ARVCF: variants seen among roughly 807,000 people sequenced by gnomAD.
ARVCF encodes splicing regulator ARVCF.
Under a neutral mutation model 90.9 loss-of-function variants are expected in ARVCF, and 66 were observed. That is an observed-to-expected ratio of 0.73 (90% confidence interval 0.60 to 0.89). ARVCF has a LOEUF of 0.89. Among genes scored for constraint, ARVCF ranks in the 40% least tolerant of loss-of-function variants. The pLI is 0.00. For synonymous variants in ARVCF, 653 were observed against 603.4 expected, an observed-to-expected ratio of 1.08 and a Z score of -1.21; for missense variants, 1,469 against 1,382.3, an observed-to-expected ratio of 1.06 and a Z score of -1.00.
chr22:19,971,070 ATGGGCCAC>A, intron 19 of ARVCF, 138 bp downstream of exon 19: 2 of 1,352,150 alleles, frequency 1.5e-6, no homozygotes, highest in Non-Finnish European at 2.0e-6. Flanking sequence ...CTTTCCGGGA[ATGGGCCAC>A]TGGGCTGCTG....
intron 10 of ARVCF, 30 bp from the exon 11 acceptor site, chr22:19,975,787 C>T (rs1259223786): frequency 2.5e-6 from 4 of 1,610,850 alleles, no homozygotes; most frequent in Non-Finnish European, 3.4e-6. Context: ...GGAGGTGAGG[C>T]AGACCCCATA....
At chr22:19,990,912 C>G in intron 2 of ARVCF, 100 bp from the exon 3 acceptor site, 1 of 1,193,642 alleles carries the variant, frequency 8.4e-7, no homozygotes, top group South Asian at 1.5e-5. Flanking sequence ...CAACTCACTC[C>G]CAGACCAGAG....
intron 1 of ARVCF, 113 bp downstream of exon 1, chr22:20,016,476 G>C (rs1461346180): frequency 2.0e-5 from 3 of 152,190 alleles, no homozygotes; most frequent in Non-Finnish European, 4.4e-5. Context: ...ATAGGACCCT[G>C]TCCGGACCGC....
chr22:19,999,937 C>T (rs555825712), intron 2 of ARVCF, among the ~76,000 whole-genome samples: 5 of 152,322 alleles, frequency 3.3e-5, no homozygotes, highest in African/African-American at 1.2e-4. Flanking sequence ...GACAAAGTCA[C>T]TTTCCCAGCC....
chr22:19,973,272 T>A lies in ARVCF; in HGVS notation c.2285A>T (p.Gln762Leu). 6.2e-7 allele frequency: 1 copy of A among 1,608,058 alleles called. No individual in the cohort carries two copies. The highest frequency in any genetic ancestry group is 8.5e-7 in the Non-Finnish European group (1 of 1,178,826). Residue 762 changes from glutamine (Q) to leucine (L), a missense_variant, in exon 14 of 20, where the codon CAG becomes CTG. Physicochemically the swap from Gln to Leu is moderately radical, Grantham distance 113 (BLOSUM62 -2). Coordinates refer to ENST00000263207, the MANE Select transcript of ARVCF (RefSeq NM_001670.3). Reference sequence around the variant, plus strand: ...GCAGGCCCCCGGTCGCGGCGGAGCCTGTGCATTGCGCACATTCCGCACAAG... The same window carrying A: ...GCAGGCCCCCGGTCGCGGCGGAGCCAGTGCATTGCGCACATTCCGCACAAG... ...AELVRNVRNA[Q>L]APPRPGACLE...
chr22:19,973,138 C>T lies in ARVCF; in HGVS notation c.2419G>A (p.Val807Met), dbSNP rs1424170030. 1 of 1,608,494 alleles carries T rather than the reference C, an allele frequency of 6.2e-7. No homozygotes were observed. The highest frequency in any genetic ancestry group is 2.2e-5 in the East Asian group (1 of 44,522). Residue 807 changes from valine (V) to methionine (M), a missense_variant, in exon 14 of 20, where the codon GTG becomes ATG. Transcript: ENST00000263207. ...LLQARGVPAL[V>M]ALVASSQSVR... ...CCACACCTGGAGGCCACGAGAGCCA[C>T]CAACGCTGGCACCCCGCGTGCCTGC...
intron 2 of ARVCF, among the ~76,000 whole-genome samples, chr22:20,007,247 T>A (rs1021941766): frequency 3.3e-5 from 5 of 151,608 alleles, no homozygotes; most frequent in Non-Finnish European, 4.4e-5. Context: ...AAAAAAAATT[T>A]AAAAATTAGC....
chr22:20,016,050 G>A (rs1945102915), intron 1 of ARVCF, among the ~76,000 whole-genome samples: 1 of 152,182 alleles, frequency 6.6e-6, no homozygotes, highest in Admixed American at 6.5e-5. Context: ...GACCCAGGCC[G>A]GGGGTCCGGG....
At chr22:19,980,848 C>T (rs1006674386) in intron 5 of ARVCF, 12 of 249,636 alleles carry the variant, frequency 4.8e-5, no homozygotes, top group South Asian at 3.8e-4. Flanking sequence ...AATCCTGACC[C>T]GGGCTGTGGT....
chr22:20,013,120 G>A (rs1357732311), intron 1 of ARVCF, among the ~76,000 whole-genome samples: 6 of 152,378 alleles, frequency 3.9e-5, no homozygotes, highest in African/African-American at 1.2e-4. Context: ...GGAGTGCCCC[G>A]TGGCCAGTGG....
intron 18 of ARVCF, 61 bp downstream of exon 18, chr22:19,971,825 C>G (rs1569144282): frequency 1.3e-6 from 2 of 1,578,164 alleles, no homozygotes; most frequent in Non-Finnish European, 8.7e-7. Context: ...AGGCTGCTCT[C>G]CAGCAACCCC....
chr22:20,000,975 ACACACACAAG>A (rs1944423488), intron 2 of ARVCF, among the ~76,000 whole-genome samples: 1 of 152,144 alleles, frequency 6.6e-6, no homozygotes, highest in Non-Finnish European at 1.5e-5. Context: ...ACACACAGAC[ACACACACAAG>A]CACACCCAGG....
At chr22:19,995,148 G>C (rs76302555) in intron 2 of ARVCF, among the ~76,000 whole-genome samples, 525 of 152,158 alleles carry the variant, frequency 3.5e-3, no homozygotes, top group African/African-American at 0.012. Flanking sequence ...AACTGAGTGA[G>C]TGAACAAGTG....
At chr22:19,975,042 T>C (rs1569152167) in intron 11 of ARVCF, among the ~76,000 whole-genome samples, 1 of 152,102 alleles carries the variant, frequency 6.6e-6, no homozygotes, top group Non-Finnish European at 1.5e-5. Context: ...CTCCCTCTAC[T>C]CCTGCCCTGC....
chr22:20,001,311 C>T lies in ARVCF; in HGVS notation c.-19+9144G>A, dbSNP rs935129987. Among the ~76,000 whole-genome samples, 7 of 152,254 alleles carry T rather than the reference C, an allele frequency of 4.6e-5. No individual in the cohort carries two copies. The East Asian group carries it at 5.8e-4, about 13-fold the overall frequency. On this transcript the variant is annotated intron_variant, in intron 2 of 19. Coordinates refer to ENST00000263207, the MANE Select transcript of ARVCF (RefSeq NM_001670.3). Reference sequence around the variant, plus strand: ...TGGGAGTGGCTGGGCCTGCAGACCCCGAGCTTGCACAGACCCACCTGCAGG... The same window carrying T: ...TGGGAGTGGCTGGGCCTGCAGACCCTGAGCTTGCACAGACCCACCTGCAGG...
Position 19,978,995 on chromosome 22 carries a change from G to C in ARVCF, c.1482C>G (p.Ile494Met). ...CACGCTCCCATCCTGAGTGGGGCAC[G>C]ATCACCTCGTGGGTCAGCGTCTGCA... ...HGLQTLTHEVIVPHSGWEREP... is the reference protein window; with the variant it reads ...HGLQTLTHEVMVPHSGWEREP... The change falls in exon 7 of 20, where the codon ATC becomes ATG. Residue 494 changes from isoleucine (I) to methionine (M), a missense_variant. By Grantham distance (10) the Ile-to-Met change is conservative (BLOSUM62 1). Coordinates refer to ENST00000263207, the MANE Select transcript of ARVCF (RefSeq NM_001670.3). The C allele has an allele frequency of 1.9e-6, 3 of 1,613,362 alleles. No individual in the cohort carries two copies. Among genetic ancestry groups the C allele is most frequent in the Non-Finnish European group, 2.5e-6 (3 of 1,179,938 alleles).
chr22:19,997,869 C>G (rs968257990), intron 2 of ARVCF, among the ~76,000 whole-genome samples: 1 of 152,216 alleles, frequency 6.6e-6, no homozygotes, highest in South Asian at 2.1e-4. Context: ...CACGGCTTAC[C>G]GGGACGGGCA....
chr22:19,989,643 G>A (rs1173322669), intron 3 of ARVCF, among the ~76,000 whole-genome samples: 1 of 152,192 alleles, frequency 6.6e-6, no homozygotes, highest in African/African-American at 2.4e-5. Context: ...AAGGGCGGGT[G>A]GAGGTGCAGG....
rs923639219 is a variant in ARVCF, at chr22:19,972,530, C to T, written c.2642-119G>A. On this transcript the variant is annotated intron_variant, in intron 16 of 19. Coordinates refer to ENST00000263207, the MANE Select transcript of ARVCF (RefSeq NM_001670.3). ...GGCTCTCTGTCACTAAGGTGCCCAACCTCTGCCAGCTGGCAGCCTCACCCC... is the reference window on the plus strand; with the variant it reads ...GGCTCTCTGTCACTAAGGTGCCCAATCTCTGCCAGCTGGCAGCCTCACCCC... 2.8e-5 allele frequency: 37 copies of T among 1,333,122 alleles called. No homozygotes were observed. In the South Asian group the frequency reaches 3.0e-4, roughly 11 times the overall value. 82.6% of individuals were successfully genotyped at this position (1,333,122 alleles called of 1,614,324 possible). A position where few individuals can be genotyped will look rare whatever the true frequency, so the allele number is the denominator to read the frequency against.
Sources: allele counts gnomAD v4.1 joint callset (sites outside exome capture counted in the v4.1 genomes callset), GRCh38; gene constraint gnomAD v4.1.1; transcripts MANE v1.5; gene names NCBI Gene and HGNC (gene_info 2026-07-23, HGNC 2026-07-21).